The following STK4 variants were observed in gnomAD, a reference collection of about 807,000 sequenced individuals.
STK4 encodes serine/threonine-protein kinase 4.
Under a neutral mutation model 64.9 loss-of-function variants are expected in STK4, and 30 were observed. That is an observed-to-expected ratio of 0.46 (90% CI 0.35 to 0.63). The LOEUF (loss-of-function observed/expected upper bound fraction) is 0.63. Ranked by LOEUF, STK4 falls within the 20% of genes least tolerant of loss-of-function variation. The pLI, the probability that STK4 is intolerant of heterozygous loss-of-function variation, is 0.01. For synonymous variants in STK4, 177 were observed against 199.0 expected, an observed-to-expected ratio of 0.89 and a Z score of 0.93; for missense variants, 466 against 598.5, an observed-to-expected ratio of 0.78 and a Z score of 2.31.
intron 4 of STK4, among the ~76,000 whole-genome samples, chr20:44,986,266 C>T (rs899110996): frequency 6.6e-6 from 1 of 152,104 alleles, no homozygotes; most frequent in African/African-American, 2.4e-5. Context: ...TAAGAAAGCC[C>T]TCTCCATTTT....
intron 10 of STK4, among the ~76,000 whole-genome samples, chr20:45,033,343 C>T (rs1465150209): frequency 2.0e-5 from 3 of 152,062 alleles, no homozygotes; most frequent in Admixed American, 1.3e-4. Context: ...ATGAAATCTT[C>T]GCCAGGTCCT....
intron 5 of STK4, among the ~76,000 whole-genome samples, chr20:44,993,090 G>A (rs757395522): frequency 1.4e-4 from 21 of 151,200 alleles, no homozygotes; most frequent in Admixed American, 5.9e-4. Context: ...GTATAAGGTA[G>A]GCATTTAAGT....
At chr20:44,968,350 G>C (rs2067188155) in intron 1 of STK4, among the ~76,000 whole-genome samples, 2 of 152,180 alleles carry the variant, frequency 1.3e-5, no homozygotes, top group Non-Finnish European at 2.9e-5. Context: ...TGTTAGCCAG[G>C]ATGGTCTCTA....
intron 9 of STK4, among the ~76,000 whole-genome samples, chr20:45,016,435 G>A (rs947919317): frequency 1.3e-5 from 2 of 152,172 alleles, no homozygotes; most frequent in African/African-American, 4.8e-5. Flanking sequence ...AGACATCTTG[G>A]TACTTAGGTT....
chr20:45,047,697 G>C lies in STK4; in HGVS notation c.1305+22567G>C, dbSNP rs368343712. 4.6e-5 allele frequency among the ~76,000 whole-genome samples: 7 copies of C among 152,270 alleles called. 1 individual carries two copies. ...AACATTGATTGGAAATACAGTGTTGGGAATTCCCTTGATCGAATTGGATAA... is the reference window on the plus strand; with the variant it reads ...AACATTGATTGGAAATACAGTGTTGCGAATTCCCTTGATCGAATTGGATAA... On this transcript the variant is annotated intron_variant, in intron 10 of 10. Transcript: ENST00000372806.
chr20:45,005,963 C>G (rs1355639442), intron 9 of STK4, among the ~76,000 whole-genome samples: 1 of 151,726 alleles, frequency 6.6e-6, no homozygotes, highest in Non-Finnish European at 1.5e-5. Context: ...TTTCTGGTAT[C>G]TGTTGATGGT....
At chr20:45,023,878 C>G (rs1349268168) in intron 9 of STK4, among the ~76,000 whole-genome samples, 1 of 149,896 alleles carries the variant, frequency 6.7e-6, no homozygotes, top group South Asian at 2.1e-4. Context: ...TATTTTATAC[C>G]TGTTCAATAC....
intron 1 of STK4, among the ~76,000 whole-genome samples, chr20:44,968,326 A>G (rs2067187661): frequency 1.3e-5 from 2 of 152,098 alleles, no homozygotes; most frequent in African/African-American, 2.4e-5. Context: ...TTTAGTAGAG[A>G]CGGGGTTTCA....
At chr20:45,011,752 A>C (rs1398415453) in intron 9 of STK4, among the ~76,000 whole-genome samples, 3 of 78,300 alleles carry the variant, frequency 3.8e-5, no homozygotes, top group Non-Finnish European at 8.3e-5. Context: ...TTTTTAAGTC[A>C]AGTTGTTGGG....
chr20:45,006,207 C>A (rs1053507683), intron 9 of STK4, among the ~76,000 whole-genome samples: 1 of 150,120 alleles, frequency 6.7e-6, no homozygotes, highest in African/African-American at 2.4e-5. Context: ...TCTAGGATTT[C>A]TTTTTCTCCT....
At chr20:44,984,186 G>GTTTTTTTTTTTTTTTTT (rs11397664) in intron 4 of STK4, among the ~76,000 whole-genome samples, 2 of 76,052 alleles carry the variant, frequency 2.6e-5, no homozygotes, top group Non-Finnish European at 4.6e-5. Flanking sequence ...TGTTGTCGTT[G>GTTTTTTTTTTTTTTTTT]TTTTTTTTTT....
intron 3 of STK4, among the ~76,000 whole-genome samples, chr20:44,980,524 TA>T (rs1284261273): frequency 6.6e-6 from 1 of 152,264 alleles, no homozygotes; most frequent in Non-Finnish European, 1.5e-5. Flanking sequence ...GCTTGAGACC[TA>T]AAATTCCAGG....
chr20:45,031,683 C>T (rs779792347), intron 10 of STK4, among the ~76,000 whole-genome samples: 3 of 152,102 alleles, frequency 2.0e-5, no homozygotes, highest in East Asian at 1.9e-4. Flanking sequence ...AGGCGGACCA[C>T]GTGAGGTCAG....
intron 10 of STK4, among the ~76,000 whole-genome samples, chr20:45,025,474 A>G (rs560656913): frequency 5.3e-5 from 8 of 152,336 alleles, no homozygotes; most frequent in African/African-American, 1.2e-4. Flanking sequence ...TTGGAGGGCA[A>G]TTGACACTGT....
chr20:45,038,287 A>G (rs1330502734), intron 10 of STK4, among the ~76,000 whole-genome samples: 1 of 151,236 alleles, frequency 6.6e-6, no homozygotes, highest in Non-Finnish European at 1.5e-5. Flanking sequence ...TAAATATTTC[A>G]TGTGTATTTA....
intron 7 of STK4, among the ~76,000 whole-genome samples, chr20:44,998,993 G>T (rs958035663): frequency 2.6e-5 from 4 of 151,750 alleles, no homozygotes; most frequent in Admixed American, 6.6e-5. Flanking sequence ...ACTTGAACCC[G>T]GGAGGCAGAG....
At chr20:45,043,219 A>G (rs924097857) in intron 10 of STK4, among the ~76,000 whole-genome samples, 1 of 152,118 alleles carries the variant, frequency 6.6e-6, no homozygotes, top group Non-Finnish European at 1.5e-5. Flanking sequence ...ATTCCATGGT[A>G]TATATATACC....
intron 3 of STK4, among the ~76,000 whole-genome samples, chr20:44,981,446 C>T (rs1242341424): frequency 2.0e-5 from 3 of 152,138 alleles, no homozygotes; most frequent in African/African-American, 7.2e-5. Flanking sequence ...TGAGCCACTG[C>T]ACCTGGCCCT....
At chr20:44,972,037 CAAATA>C (rs766450064) in intron 1 of STK4, 36 bp from the exon 2 acceptor site, 1 of 1,566,280 alleles carries the variant, frequency 6.4e-7, no homozygotes, top group South Asian at 1.1e-5. Context: ...TAGTTCCTAG[CAAATA>C]AAATGTATTT....
Sources: allele counts gnomAD v4.1 joint callset (sites outside exome capture counted in the v4.1 genomes callset), GRCh38; gene constraint gnomAD v4.1.1; transcripts MANE v1.5; gene names NCBI Gene and HGNC (gene_info 2026-07-23, HGNC 2026-07-21).